NLRP4: variants seen among roughly 807,000 people sequenced by gnomAD.
The protein encoded by NLRP4 is NLR family pyrin domain containing 4.
NLRP4 carries 44 observed loss-of-function variants against 84.7 expected under a neutral mutation model. The ratio of observed to expected loss-of-function variants is 0.52; its 90% CI spans 0.41 to 0.67. NLRP4 has a LOEUF of 0.67. Ranked by LOEUF, NLRP4 falls within the 30% of genes least tolerant of loss-of-function variation. The pLI is 0.00. For missense variants in NLRP4, 1,260 were observed against 1,219.4 expected (o/e 1.03, Z -0.50); for synonymous variants, 544 against 476.4 (o/e 1.14, Z -1.85).
chr19:55,863,543 C>T (rs899270578), intron 5 of NLRP4, among the ~76,000 whole-genome samples: 24 of 152,152 alleles, frequency 1.6e-4, no homozygotes, highest in African/African-American at 5.8e-4. Flanking sequence ...AGGAACAGCT[C>T]TAGGGGATGG....
chr19:55,840,189 A>G (rs1376122823), intron 1 of NLRP4, among the ~76,000 whole-genome samples: 1 of 152,062 alleles, frequency 6.6e-6, no homozygotes, highest in Non-Finnish European at 1.5e-5. Flanking sequence ...AAATTTTTCC[A>G]TTGTTTTTAA....
At chr19:55,853,482 T>C (rs1984250884) in intron 2 of NLRP4, among the ~76,000 whole-genome samples, 4 of 152,138 alleles carry the variant, frequency 2.6e-5, no homozygotes, top group Admixed American at 2.0e-4. Flanking sequence ...AGCCTCAACT[T>C]CCTGGGCTAA....
chr19:55,843,162 C>G (rs1240101974), intron 1 of NLRP4, among the ~76,000 whole-genome samples: 2 of 152,144 alleles, frequency 1.3e-5, no homozygotes, highest in Admixed American at 1.3e-4. Flanking sequence ...TCTGTAGCAC[C>G]TGATCAGGTC....
chr19:55,843,411 A>T (rs1399084732), intron 1 of NLRP4, among the ~76,000 whole-genome samples: 1 of 152,122 alleles, frequency 6.6e-6, no homozygotes, highest in Non-Finnish European at 1.5e-5. Context: ...CATCCAGGCC[A>T]GGCACAGTGG....
rs1472866541 is a variant in NLRP4 at position 55,852,188 on chromosome 19, G to T, written c.108G>T (p.Gln36His). The change falls in exon 2 of 10, where the codon CAG becomes CAT. Residue 36 changes from glutamine (Q) to histidine (H), a missense_variant. Coordinates refer to ENST00000301295, the MANE Select transcript of NLRP4 (RefSeq NM_134444.5). ...AACATCTCAAGCAAATGACTTTGCA[G>T]CTTGAACTCAAGCAGATTCCCTGGA... is the stretch of plus-strand genomic sequence containing the variant. ...FKEHLKQMTL[Q>H]LELKQIPWTE... 1 of 1,607,620 alleles carries T rather than the reference G, an allele frequency of 6.2e-7. No homozygotes were observed. The highest frequency in any genetic ancestry group is 8.5e-7 in the Non-Finnish European group (1 of 1,178,394).
chr19:55,878,761 G>A (rs1468186865), intron 8 of NLRP4, 33 bp from the exon 9 acceptor site: 3 of 1,585,572 alleles, frequency 1.9e-6, no homozygotes, highest in Non-Finnish European at 8.6e-7. Flanking sequence ...CTGAGGCTGG[G>A]GCCGCATCTT....
At chr19:55,840,722 T>C (rs1352928128) in intron 1 of NLRP4, among the ~76,000 whole-genome samples, 1 of 152,078 alleles carries the variant, frequency 6.6e-6, no homozygotes, top group Admixed American at 6.6e-5. Flanking sequence ...TTTAAGGCTG[T>C]GTTATTGTTG....
intron 5 of NLRP4, among the ~76,000 whole-genome samples, chr19:55,865,138 C>A (rs1446703574): frequency 7.0e-6 from 1 of 143,798 alleles, no homozygotes; most frequent in African/African-American, 2.6e-5. Flanking sequence ...ACCTTCTTCC[C>A]ACCCTCTGCT....
Position 55,858,245 on chromosome 19 carries a change from G to T in NLRP4, c.852G>T (p.Pro284=). ...TCATCGCTATCAAACCCGTGTGCCC[G>T]AAGGAGCTCCGGGATCAGGTGACGA... ...SLLIAIKPVC[P]KELRDQVTIS... is the part of the protein sequence containing the mutation. The change falls in exon 3 of 10, where the codon CCG becomes CCT. Residue 284 remains proline, a synonymous_variant. Transcript: ENST00000301295. This position sits in a 1 kb window ranked among gnomAD's most constrained non-coding sequence, Gnocchi z 4.2. 6.2e-7 allele frequency: 1 copy of T among 1,614,140 alleles called. No individual in the cohort carries two copies. The highest frequency in any genetic ancestry group is 8.5e-7 in the Non-Finnish European group (1 of 1,180,020).
At chr19:55,880,672 G>T (rs62128167) in intron 9 of NLRP4, among the ~76,000 whole-genome samples, 3,918 of 152,244 alleles carry the variant, frequency 0.026, 104 homozygotes, top group South Asian at 0.098. Context: ...ATGCCAAATG[G>T]AGATGAGAGA....
rs763323448 is a variant in NLRP4, at chr19:55,859,243, G to A, written c.1850G>A (p.Ser617Asn). 7 of 1,594,814 alleles carry A rather than the reference G, an allele frequency of 4.4e-6. No individual in the cohort carries two copies. Among genetic ancestry groups the A allele is most frequent in the Non-Finnish European group, 5.1e-6 (6 of 1,166,328 alleles). ...GTCTTTAAGAAAGAGGATGAACACA[G>A]CTCTACGTGAGTCCATCCTATGACT... ...QNVFKKEDEHSSTSDYSLICW... is the reference protein window; with the variant it reads ...QNVFKKEDEHNSTSDYSLICW... The change falls in exon 3 of 10, where the codon AGC becomes AAC. Residue 617 changes from serine to asparagine, a missense_variant. Ser to Asn is a conservative substitution (Grantham distance 46). Coordinates refer to ENST00000301295, the MANE Select transcript of NLRP4 (RefSeq NM_134444.5).
chr19:55,860,296 A>G (rs1984699150), intron 3 of NLRP4, among the ~76,000 whole-genome samples: 1 of 152,158 alleles, frequency 6.6e-6, no homozygotes, highest in Admixed American at 6.5e-5. Context: ...AATCATATAC[A>G]TTTTAACTTA....
At chr19:55,839,969 G>A (rs1163131327) in intron 1 of NLRP4, among the ~76,000 whole-genome samples, 1 of 152,012 alleles carries the variant, frequency 6.6e-6, no homozygotes, top group Admixed American at 6.5e-5. Flanking sequence ...AGATTACTTA[G>A]AAGTATGTTT....
intron 6 of NLRP4, among the ~76,000 whole-genome samples, chr19:55,869,516 C>G (rs906864090): frequency 2.6e-5 from 4 of 152,116 alleles, no homozygotes; most frequent in Non-Finnish European, 4.4e-5. Flanking sequence ...GAAGCAGTTG[C>G]CCGTTCTGTC....
rs1568678559 is a variant in NLRP4, at chr19:55,881,576, G to T, written c.2974G>T (p.Val992Leu). Residue 992 changes from valine to leucine, a missense_variant, in exon 10 of 10, where the codon GTA becomes TTA. This residue lies in a region of NLRP4 where 544 missense variants were observed against 531.7 expected (regional missense o/e 1.02). Coordinates refer to ENST00000301295, the MANE Select transcript of NLRP4 (RefSeq NM_134444.5). ...ITDDCDTITR[V>L]EI is the part of the protein sequence containing the mutation. ...AGACGACTGTGACACAATCACAAGG[G>T]TAGAGATCTGATTGCGAGGAACCTG... 1.3e-6 allele frequency: 2 copies of T among 1,546,598 alleles called. No homozygotes were observed. Among genetic ancestry groups the T allele is most frequent in the Middle Eastern group, 3.4e-4 (2 of 5,924 alleles).
chr19:55,849,527 C>T (rs993495349), intron 1 of NLRP4, among the ~76,000 whole-genome samples: 1 of 152,152 alleles, frequency 6.6e-6, no homozygotes, highest in African/African-American at 2.4e-5. Context: ...GGATTGTACA[C>T]AGCTGCCTTC....
At position 55,849,970 on chromosome 19, in the gene NLRP4, C is replaced by T. The variant is rs1033836885; in HGVS notation, c.-65-2046C>T. 2.7e-3 allele frequency among the ~76,000 whole-genome samples: 384 copies of T among 142,402 alleles called. 5 individuals carry two copies. The highest frequency in any genetic ancestry group is 5.7e-3 in the African/African-American group (199 of 35,118). 93.4% of individuals were successfully genotyped at this position (142,402 alleles called of 152,430 possible). A position where few individuals can be genotyped will look rare whatever the true frequency, so the allele number is the denominator to read the frequency against. On this transcript the variant is annotated intron_variant, in intron 1 of 9. Transcript: ENST00000301295. ...ATTTCCGAGACTGCGGTGTAATTTC[C>T]GTAGCTGCGGTGTAATTTCCGAGAC...
At chr19:55,856,509 ATCTTTTTTTT>A (rs1023040104) in intron 2 of NLRP4, among the ~76,000 whole-genome samples, 1 of 132,760 alleles carries the variant, frequency 7.5e-6, no homozygotes, top group African/African-American at 3.0e-5. Flanking sequence ...CTGTTGCTGG[ATCTTTTTTTT>A]TTTTTTTTTT....
At position 55,867,867 on chromosome 19, in the gene NLRP4, T is replaced by G. The variant is rs778140168; in HGVS notation, c.2345T>G (p.Val782Gly). The G allele has an allele frequency of 1.2e-6, 2 of 1,614,006 alleles. No individual in the cohort carries two copies. Among genetic ancestry groups the G allele is most frequent in the African/African-American group, 1.3e-5 (1 of 75,042 alleles). ...CTGTGCAGCCCAGACACGGTCCTGG[T>G]ATACCTGATGTGAGTGGATGTTGGG... ...EALCSPDTVLVYLMLAFCHLS... is the reference protein window; with the variant it reads ...EALCSPDTVLGYLMLAFCHLS... Residue 782 changes from valine (V) to glycine (G), a missense_variant, in exon 6 of 10, where the codon GTA becomes GGA. Val to Gly is a moderately radical substitution (Grantham distance 109). Transcript: ENST00000301295.
Sources: gnomAD v4.1 joint callset for allele counts (sites outside exome capture counted in the v4.1 genomes callset) on GRCh38, gnomAD v4.1.1 for gene constraint, gnomAD v4.1.1 regional missense constraint, Gnocchi (gnomAD v3.1) non-coding constraint, MANE v1.5 for transcripts, NCBI Gene and HGNC (gene_info 2026-07-23, HGNC 2026-07-21) for gene names.